The following NRG1 variants were observed in gnomAD, a reference collection of about 807,000 sequenced individuals.
NRG1 encodes the protein pro-neuregulin-1, membrane-bound isoform.
In NRG1, 18 loss-of-function variants were observed where a neutral mutation model predicts 63.8. The ratio of observed to expected loss-of-function variants is 0.28; its 90% CI spans 0.19 to 0.42. NRG1 has a LOEUF of 0.42. Ranked by LOEUF, NRG1 falls within the 10% of genes least tolerant of loss-of-function variation. NRG1 has a pLI of 1.00. For synonymous variants in NRG1, 302 were observed against 301.3 expected, an observed-to-expected ratio of 1.00 and a Z score of -0.02; for missense variants, 762 against 814.7, an observed-to-expected ratio of 0.94 and a Z score of 0.79.
At chr8:31,750,034 T>A (rs892307438) in intron 1 of NRG1, among the ~76,000 whole-genome samples, 2 of 151,820 alleles carry the variant, frequency 1.3e-5, no homozygotes, top group Non-Finnish European at 2.9e-5. Flanking sequence ...CAATACCACC[T>A]TCCACCAGGA....
chr8:32,119,014 C>T (rs1037033637), intron 1 of NRG1, among the ~76,000 whole-genome samples: 1 of 152,090 alleles, frequency 6.6e-6, no homozygotes, highest in African/African-American at 2.4e-5. Flanking sequence ...CATTGTCCAA[C>T]TGAATAAATT....
At chr8:32,158,583 G>A (rs1043095414) in intron 1 of NRG1, among the ~76,000 whole-genome samples, 2 of 150,252 alleles carry the variant, frequency 1.3e-5, no homozygotes, top group African/African-American at 2.4e-5. Flanking sequence ...AAGTAAAATA[G>A]AAAAATTTGG....
rs2130824250 is a variant in NRG1 at position 31,640,600 on chromosome 8, A to C, written c.37+1169A>C. 6.2e-7 allele frequency: 1 copy of C among 1,612,110 alleles called. No homozygotes were observed. The highest frequency in any genetic ancestry group is 2.2e-5 in the East Asian group (1 of 44,810). ...GAGGCTCAAGGAGGACAGCAGGTAC[A>C]TCTTCTTCATGGAGCCCGACGCCAA... On this transcript the variant is annotated intron_variant, in intron 1 of 10. Transcript: ENST00000519301. The surrounding 1 kb of genome is among the most constrained non-coding windows in gnomAD (Gnocchi z 6.3).
intron 1 of NRG1, among the ~76,000 whole-genome samples, chr8:31,745,183 G>C (rs932956456): frequency 6.6e-6 from 1 of 151,930 alleles, no homozygotes; most frequent in Non-Finnish European, 1.5e-5. Context: ...ATGACTATTA[G>C]GATAGAGATG....
chr8:32,014,722 C>G (rs188259360), intron 1 of NRG1, among the ~76,000 whole-genome samples: 75 of 150,892 alleles, frequency 5.0e-4, no homozygotes, highest in African/African-American at 1.6e-3. Flanking sequence ...CCAACCCCCC[C>G]CCAAAAAAGA....
At chr8:31,931,994 A>C (rs779020520) in intron 1 of NRG1, among the ~76,000 whole-genome samples, 55 of 152,186 alleles carry the variant, frequency 3.6e-4, no homozygotes, top group Non-Finnish European at 6.8e-4. Context: ...TTCAGCAATC[A>C]TCCAAAGAGA....
chr8:31,899,567 C>T (rs921134493), intron 1 of NRG1, among the ~76,000 whole-genome samples: 1 of 152,138 alleles, frequency 6.6e-6, no homozygotes, highest in East Asian at 1.9e-4. Context: ...TCATTTCTTA[C>T]TGGTCCATTG....
At chr8:31,712,779 A>G (rs1811913082) in intron 1 of NRG1, among the ~76,000 whole-genome samples, 1 of 152,064 alleles carries the variant, frequency 6.6e-6, no homozygotes, top group Non-Finnish European at 1.5e-5. Context: ...TTGGGTCTTC[A>G]TGCCTTAGGT....
At chr8:32,715,641 C>CTT (rs34392932) in intron 5 of NRG1, among the ~76,000 whole-genome samples, 1 of 126,666 alleles carries the variant, frequency 7.9e-6, no homozygotes, top group Admixed American at 7.7e-5. Context: ...AAATCAGGCC[C>CTT]TTTTTTTTTT....
At chr8:32,448,583 C>T (rs1341457782) in intron 1 of NRG1, among the ~76,000 whole-genome samples, 1 of 152,090 alleles carries the variant, frequency 6.6e-6, no homozygotes, top group Non-Finnish European at 1.5e-5. Context: ...ATGGTTGGCC[C>T]TGAAGTGCTC....
At chr8:31,753,679 G>A (rs1816700210) in intron 1 of NRG1, among the ~76,000 whole-genome samples, 2 of 151,958 alleles carry the variant, frequency 1.3e-5, no homozygotes, top group Admixed American at 1.3e-4. Context: ...CTCTCATAAT[G>A]TAAGAGAAGG....
intron 1 of NRG1, among the ~76,000 whole-genome samples, chr8:32,474,388 G>A (rs6983001): frequency 5.3e-5 from 8 of 152,002 alleles, no homozygotes; most frequent in Non-Finnish European, 7.3e-5. Context: ...TCTCCCATGC[G>A]GTCTCTATTC....
At chr8:31,757,857 A>AGAT (rs1273633294) in intron 1 of NRG1, among the ~76,000 whole-genome samples, 1 of 152,138 alleles carries the variant, frequency 6.6e-6, no homozygotes, top group Non-Finnish European at 1.5e-5. Context: ...ATTAAGATAC[A>AGAT]GATGAATTCT....
At chr8:31,682,702 G>A (rs1355998016) in intron 1 of NRG1, among the ~76,000 whole-genome samples, 2 of 151,966 alleles carry the variant, frequency 1.3e-5, no homozygotes, top group Non-Finnish European at 2.9e-5. Context: ...TCCAGCTATG[G>A]AAGCAATGAA....
chr8:32,589,352 A>G (rs1378802938), intron 1 of NRG1, among the ~76,000 whole-genome samples: 1 of 152,206 alleles, frequency 6.6e-6, no homozygotes, highest in Non-Finnish European at 1.5e-5. Context: ...TAACAAAAGG[A>G]CATCCTGCAT....
chr8:32,772,037 ATATGTATATATATAT>A (rs1357505104), downstream of NRG1, among the ~76,000 whole-genome samples: 2 of 112,742 alleles, frequency 1.8e-5, no homozygotes, highest in African/African-American at 7.2e-5. Context: ...AAAAAAAAAA[ATATGTATATATATAT>A]ATATATATAT....
At chr8:32,411,021 A>T (rs1814857566) in intron 1 of NRG1, among the ~76,000 whole-genome samples, 2 of 151,896 alleles carry the variant, frequency 1.3e-5, no homozygotes, top group Non-Finnish European at 1.5e-5. Context: ...GACTACAGGC[A>T]CGCACCACCA....
chr8:32,420,521 A>ATC (rs200897595), intron 1 of NRG1, among the ~76,000 whole-genome samples: 7,303 of 145,750 alleles, frequency 0.05, 198 homozygotes, highest in African/African-American at 0.07. Context: ...GACCACCCTC[A>ATC]TCTCTCTCTC....
At chr8:32,568,914 A>G (rs889539760) in intron 1 of NRG1, among the ~76,000 whole-genome samples, 3 of 152,130 alleles carry the variant, frequency 2.0e-5, no homozygotes, top group Non-Finnish European at 4.4e-5. Context: ...AAATAAGAAC[A>G]AAAGTAATTC....
Sources: allele counts gnomAD v4.1 joint callset (sites outside exome capture counted in the v4.1 genomes callset), GRCh38; gene constraint gnomAD v4.1.1; non-coding constraint Gnocchi (gnomAD v3.1); transcripts MANE v1.5; gene names NCBI Gene and HGNC (gene_info 2026-07-23, HGNC 2026-07-21).